The following TOM1L2 variants were observed in gnomAD, a reference collection of about 807,000 sequenced individuals.
TOM1L2 encodes the protein TOM1-like protein 2.
TOM1L2 carries 31 observed loss-of-function variants against 67.9 expected under a neutral mutation model. The observed-to-expected ratio is 0.46, with a 90% CI of 0.34 to 0.62. The LOEUF (loss-of-function observed/expected upper bound fraction) is 0.62, where lower values mean the gene tolerates loss of function less well. Ranked by LOEUF, TOM1L2 falls within the 20% of genes least tolerant of loss-of-function variation. The probability of loss-of-function intolerance (pLI) is 0.01; values close to 1 mark genes in which losing one functional copy is unlikely to be tolerated. For missense variants in TOM1L2, 606 were observed against 663.5 expected (o/e 0.91, Z 0.95); for synonymous variants, 256 against 254.0 (o/e 1.01, Z -0.07).
chr17:17,912,680 G>A (rs1378444690), intron 1 of TOM1L2, among the ~76,000 whole-genome samples: 1 of 151,498 alleles, frequency 6.6e-6, no homozygotes, highest in African/African-American at 2.4e-5. Context: ...CGGCCGGACG[G>A]AGACGCTCCT....
chr17:17,888,448 A>C (rs2038103475), intron 4 of TOM1L2, among the ~76,000 whole-genome samples: 1 of 152,254 alleles, frequency 6.6e-6, no homozygotes. Context: ...TTGCTGATTT[A>C]AACTATGGGC....
chr17:17,938,887 T>C (rs2040617419), intron 1 of TOM1L2, among the ~76,000 whole-genome samples: 2 of 151,972 alleles, frequency 1.3e-5, no homozygotes, highest in Admixed American at 6.6e-5. Context: ...TCGAAACTTA[T>C]AATTCTCACT....
chr17:17,863,072 A>C (rs2036650367), intron 10 of TOM1L2, among the ~76,000 whole-genome samples: 1 of 152,210 alleles, frequency 6.6e-6, no homozygotes, highest in South Asian at 2.1e-4. Flanking sequence ...CAAGGAGGCG[A>C]AAGAGTCATA....
At chr17:17,908,802 G>C (rs142249750) in intron 1 of TOM1L2, among the ~76,000 whole-genome samples, 93 of 152,282 alleles carry the variant, frequency 6.1e-4, no homozygotes, top group Admixed American at 1.1e-3. Context: ...TGTTGGCAAG[G>C]ATATAGACAA....
At chr17:17,966,078 G>A (rs555841610) in intron 1 of TOM1L2, among the ~76,000 whole-genome samples, 3 of 152,218 alleles carry the variant, frequency 2.0e-5, no homozygotes, top group Non-Finnish European at 2.9e-5. Flanking sequence ...CTGAGATCGC[G>A]CCACTGCACT....
At chr17:17,916,341 G>C (rs2039629224) in intron 1 of TOM1L2, among the ~76,000 whole-genome samples, 1 of 152,110 alleles carries the variant, frequency 6.6e-6, no homozygotes, top group Admixed American at 6.5e-5. Flanking sequence ...CCAAAGTGCT[G>C]GGATTACAGG....
At chr17:17,958,538 T>A (rs891094540) in intron 1 of TOM1L2, among the ~76,000 whole-genome samples, 2 of 152,206 alleles carry the variant, frequency 1.3e-5, no homozygotes, top group Non-Finnish European at 2.9e-5. Context: ...AATGACAGAC[T>A]TACTACCCCA....
At chr17:17,866,710 G>A (rs1248269524) in intron 9 of TOM1L2, among the ~76,000 whole-genome samples, 166 bp downstream of exon 9, 3 of 152,172 alleles carry the variant, frequency 2.0e-5, no homozygotes, top group Non-Finnish European at 4.4e-5. Context: ...TTCCCATCAG[G>A]GGTGCCTGCT....
At chr17:17,932,795 G>A (rs1017906720) in intron 1 of TOM1L2, among the ~76,000 whole-genome samples, 1 of 152,030 alleles carries the variant, frequency 6.6e-6, no homozygotes, top group African/African-American at 2.4e-5. Flanking sequence ...TTGTGCACCC[G>A]AATCATCTGT....
At position 17,844,231 on chromosome 17, in the gene TOM1L2, G is replaced by A. The variant is rs892342888; in HGVS notation, c.*3404C>T. ...GAAGGCTGGGCCCAACTGAGTTAGA[G>A]ATGCGTGTCTGCGGGGGCCCAGGGT... On this transcript the variant is annotated 3_prime_UTR_variant, in exon 15 of 15. Transcript: ENST00000379504. 6.6e-6 allele frequency: 1 copy of A among 152,278 alleles called. No homozygotes were observed. The highest frequency in any genetic ancestry group is 1.5e-5 in the Non-Finnish European group (1 of 68,090). 9.4% of individuals were successfully genotyped at this position (152,278 alleles called of 1,614,324 possible).
chr17:17,884,305 G>A (rs1280648217), intron 5 of TOM1L2, among the ~76,000 whole-genome samples: 2 of 152,178 alleles, frequency 1.3e-5, no homozygotes, highest in East Asian at 3.8e-4. Flanking sequence ...AGGGACAACA[G>A]GATTCCCACA....
chr17:17,894,975 A>ACATG (rs34865538), intron 3 of TOM1L2, among the ~76,000 whole-genome samples: 3,333 of 147,752 alleles, frequency 0.023, 39 homozygotes, highest in African/African-American at 0.038. Flanking sequence ...ATACATACAT[A>ACATG]CATGCATGCA....
At chr17:17,918,108 G>A (rs2039705233) in intron 1 of TOM1L2, among the ~76,000 whole-genome samples, 1 of 151,952 alleles carries the variant, frequency 6.6e-6, no homozygotes, top group African/African-American at 2.4e-5. Context: ...TTTTTTAGAG[G>A]CTAGTGTAAA....
chr17:17,913,070 G>A (rs949711473), intron 1 of TOM1L2, among the ~76,000 whole-genome samples: 10 of 151,622 alleles, frequency 6.6e-5, no homozygotes, highest in Admixed American at 3.9e-4. Flanking sequence ...GCCTGCAATC[G>A]CAGGCACTCG....
chr17:17,855,578 T>A (rs2143598095), intron 12 of TOM1L2, among the ~76,000 whole-genome samples: 1 of 152,342 alleles, frequency 6.6e-6, no homozygotes, highest in Middle Eastern at 3.4e-3. Flanking sequence ...GTCTCATTTC[T>A]CTTCAACCAG....
rs184576586 is a variant in TOM1L2, at chr17:17,878,984, C to T, written c.777+643G>A. On this transcript the variant is annotated intron_variant, in intron 7 of 14. Coordinates refer to ENST00000379504, the MANE Select transcript of TOM1L2 (RefSeq NM_001082968.2). ...TCAGGGGTAGACTGCAGGCCGCCCA[C>T]TCCTGGACCCCATTCTGCCATGCCC... 3.0e-4 allele frequency among the ~76,000 whole-genome samples: 45 copies of T among 152,338 alleles called. No individual in the cohort carries two copies. The East Asian group carries it at 8.5e-3, about 29-fold the overall frequency.
intron 12 of TOM1L2, chr17:17,857,941 G>T: frequency 8.1e-7 from 1 of 1,234,272 alleles, no homozygotes; most frequent in African/African-American, 1.5e-5. Context: ...CTTCAGACGT[G>T]ATCCTTTGCC....
chr17:17,972,069 C>A (rs2042123568), intron 1 of TOM1L2, among the ~76,000 whole-genome samples, 193 bp downstream of exon 1: 1 of 151,950 alleles, frequency 6.6e-6, no homozygotes, highest in South Asian at 2.1e-4. Flanking sequence ...CCAGCCCGCC[C>A]GTGAGGTGGC....
chr17:17,852,681 C>A (rs923782319), intron 12 of TOM1L2, among the ~76,000 whole-genome samples: 3 of 152,040 alleles, frequency 2.0e-5, no homozygotes, highest in African/African-American at 7.2e-5. Flanking sequence ...GCCTGACCAA[C>A]AGGGAGAAAC....
Sources: gnomAD v4.1 joint callset for allele counts (sites outside exome capture counted in the v4.1 genomes callset) on GRCh38, gnomAD v4.1.1 for gene constraint, MANE v1.5 for transcripts, NCBI Gene and HGNC (gene_info 2026-07-23, HGNC 2026-07-21) for gene names.